The following RNGTT variants were observed in gnomAD, a reference collection of about 807,000 sequenced individuals.
The protein encoded by RNGTT is RNA guanylyltransferase and 5'-phosphatase, also known as mRNA-capping enzyme.
Under a neutral mutation model 79.3 loss-of-function variants are expected in RNGTT, and 33 were observed. The observed-to-expected ratio is 0.42, with a 90% CI of 0.32 to 0.56. The LOEUF (loss-of-function observed/expected upper bound fraction) is 0.56, where lower values mean the gene tolerates loss of function less well. Ranked by LOEUF, RNGTT falls within the 20% of genes least tolerant of loss-of-function variation. RNGTT has a pLI of 0.17. For synonymous variants in RNGTT, 222 were observed against 235.9 expected, an observed-to-expected ratio of 0.94 and a Z score of 0.54; for missense variants, 497 against 739.1, an observed-to-expected ratio of 0.67 and a Z score of 3.80.
chr6:88,671,275 T>G lies in RNGTT; in HGVS notation c.1506+7078A>C, dbSNP rs187089155. ...GTAAAGTTTCAGGATACAAAACTAA[T>G]GTACACAAATCAGTAGCACTGCTAT... On this transcript the variant is annotated intron_variant, in intron 14 of 15. Transcript: ENST00000369485. 2.5e-3 allele frequency among the ~76,000 whole-genome samples: 376 copies of G among 152,266 alleles called. 5 individuals are homozygous for G. The highest frequency in any genetic ancestry group is 4.9e-4 in the Non-Finnish European group (33 of 68,018).
intron 4 of RNGTT, among the ~76,000 whole-genome samples, chr6:88,925,035 T>TA (rs1784276002): frequency 6.6e-6 from 1 of 152,114 alleles, no homozygotes; most frequent in Non-Finnish European, 1.5e-5. Context: ...TGTTTTTTTT[T>TA]AAGACAAAAA....
chr6:88,674,055 G>C (rs773610818), intron 14 of RNGTT, among the ~76,000 whole-genome samples: 14 of 152,190 alleles, frequency 9.2e-5, no homozygotes, highest in East Asian at 1.9e-4. Context: ...TCATGTTACA[G>C]GGATATTAAA....
chr6:88,742,828 G>C lies in RNGTT; in HGVS notation c.1439+26946C>G, dbSNP rs192353817. Among the ~76,000 whole-genome samples the C allele has an allele frequency of 3.3e-5, 5 of 152,290 alleles. No individual in the cohort carries two copies. The East Asian group carries it at 9.6e-4, about 29-fold the overall frequency. On this transcript the variant is annotated intron_variant, in intron 13 of 15. Transcript: ENST00000369485. ...GTAGCAATTAGAGAGAAGTTTTCTA[G>C]AATTATAGTTCGGAAGAAAAATAGA...
At chr6:88,651,585 T>G (rs1289149900) in intron 14 of RNGTT, among the ~76,000 whole-genome samples, 1 of 152,062 alleles carries the variant, frequency 6.6e-6, no homozygotes, top group Non-Finnish European at 1.5e-5. Context: ...TTTTTCATAT[T>G]AAAGTTATAA....
chr6:88,949,158 T>TAAAAAAAAAAAAAAAAAAAA (rs1491197999), intron 1 of RNGTT, among the ~76,000 whole-genome samples: 1 of 18,008 alleles, frequency 5.6e-5, no homozygotes, highest in Non-Finnish European at 1.1e-4. Flanking sequence ...TAAAATAAAA[T>TAAAAAAAAAAAAAAAAAAAA]GAAAAAAAAA....
intron 4 of RNGTT, among the ~76,000 whole-genome samples, chr6:88,911,447 T>C (rs1046434811): frequency 2.0e-5 from 3 of 152,178 alleles, no homozygotes; most frequent in African/African-American, 7.2e-5. Flanking sequence ...TAAATGTATA[T>C]ACACCCAATA....
chr6:88,784,272 A>G (rs575901252), intron 12 of RNGTT, among the ~76,000 whole-genome samples: 6 of 152,252 alleles, frequency 3.9e-5, no homozygotes, highest in African/African-American at 1.4e-4. Flanking sequence ...AGCACTAAAA[A>G]TATCACTGTG....
chr6:88,689,595 A>C lies in RNGTT; in HGVS notation c.1440-11176T>G, dbSNP rs1178163915. 3.4e-5 allele frequency among the ~76,000 whole-genome samples: 3 copies of C among 87,582 alleles called. No homozygotes were observed. The African/African-American group carries it at 3.6e-4, about 11-fold the overall frequency. The allele number at this position is 87,582 out of a possible 152,430, so 57.5% of individuals were successfully genotyped here. On this transcript the variant is annotated intron_variant, in intron 13 of 15. Transcript: ENST00000369485. ...GGGCAACAGAGTGAGACTCTGTCTC[A>C]AAAAAAAAAAAAAAGTCTATACCAA...
At chr6:88,903,622 T>C (rs539128283) in intron 6 of RNGTT, among the ~76,000 whole-genome samples, 20 of 152,348 alleles carry the variant, frequency 1.3e-4, no homozygotes, top group Admixed American at 2.0e-4. Flanking sequence ...AATTAAAACA[T>C]TGTTTTACAA....
chr6:88,950,214 A>T (rs1785196886), intron 1 of RNGTT, among the ~76,000 whole-genome samples: 1 of 152,204 alleles, frequency 6.6e-6, no homozygotes, highest in South Asian at 2.1e-4. Context: ...TCCTTCCAAA[A>T]TATTACTGCT....
intron 1 of RNGTT, among the ~76,000 whole-genome samples, chr6:88,954,101 A>C (rs1407636528): frequency 6.6e-6 from 1 of 152,220 alleles, no homozygotes; most frequent in Non-Finnish European, 1.5e-5. Context: ...GGCAACAACT[A>C]GCATTATGAA....
chr6:88,629,378 G>A (rs1002151797), intron 14 of RNGTT, among the ~76,000 whole-genome samples: 1 of 152,162 alleles, frequency 6.6e-6, no homozygotes, highest in Non-Finnish European at 1.5e-5. Flanking sequence ...CAGCCTGCAG[G>A]TAAAATACGT....
At chr6:88,801,306 G>A (rs911276256) in intron 12 of RNGTT, among the ~76,000 whole-genome samples, 1 of 152,184 alleles carries the variant, frequency 6.6e-6, no homozygotes, top group South Asian at 2.1e-4. Flanking sequence ...TCTTTGAAAT[G>A]TAACGACCAA....
chr6:88,695,262 T>C (rs941484267), intron 13 of RNGTT, among the ~76,000 whole-genome samples: 31 of 152,000 alleles, frequency 2.0e-4, no homozygotes, highest in African/African-American at 6.0e-4. Context: ...AAGCGAGACA[T>C]TTGATAAGGG....
chr6:88,756,338 C>G (rs1041637820), intron 13 of RNGTT, among the ~76,000 whole-genome samples: 4 of 151,538 alleles, frequency 2.6e-5, no homozygotes, highest in Non-Finnish European at 5.9e-5. Context: ...CCAGGCGTGA[C>G]GGTGCGCGCC....
chr6:88,867,435 A>T (rs761115780), intron 8 of RNGTT, among the ~76,000 whole-genome samples: 4 of 152,176 alleles, frequency 2.6e-5, no homozygotes, highest in Non-Finnish European at 5.9e-5. Context: ...GTGAGCCGAG[A>T]TCATGGCACT....
At position 88,914,846 on chromosome 6, in the gene RNGTT, A is replaced by G. The variant is rs184924019; in HGVS notation, c.368-8406T>C. Among the ~76,000 whole-genome samples the G allele has an allele frequency of 1.9e-3, 296 of 152,346 alleles. 2 individuals are homozygous for G. Among genetic ancestry groups the G allele is most frequent in the African/African-American group, 6.9e-3 (288 of 41,582 alleles). ...AACAGAGTAAACAGACAACCTACAGAATGGGAGAAAATATTCACAGACTAT... is the reference window on the plus strand; with the variant it reads ...AACAGAGTAAACAGACAACCTACAGGATGGGAGAAAATATTCACAGACTAT... On this transcript the variant is annotated intron_variant, in intron 4 of 15. Coordinates refer to ENST00000369485, the MANE Select transcript of RNGTT (RefSeq NM_003800.5).
rs188983209 is a variant in RNGTT at position 88,667,701 on chromosome 6, G to A, written c.1506+10652C>T. 2.2e-3 allele frequency among the ~76,000 whole-genome samples: 331 copies of A among 152,280 alleles called. 4 individuals carry two copies. The highest frequency in any genetic ancestry group is 7.7e-3 in the African/African-American group (318 of 41,566). On this transcript the variant is annotated intron_variant, in intron 14 of 15. Coordinates refer to ENST00000369485, the MANE Select transcript of RNGTT (RefSeq NM_003800.5). ...TACGGATTGGCTCAGACAATGGGCC[G>A]GCATTTGTGGCTGACTTGGTACAGA... is the stretch of plus-strand genomic sequence containing the variant.
At chr6:88,803,591 A>AG (rs1259421679) in intron 11 of RNGTT, among the ~76,000 whole-genome samples, 1 of 151,568 alleles carries the variant, frequency 6.6e-6, no homozygotes, top group African/African-American at 2.4e-5. Flanking sequence ...AAAAAAAAAA[A>AG]AAAAAACTAA....
Sources: allele counts gnomAD v4.1 joint callset (sites outside exome capture counted in the v4.1 genomes callset), GRCh38; gene constraint gnomAD v4.1.1; transcripts MANE v1.5; gene names NCBI Gene and HGNC (gene_info 2026-07-23, HGNC 2026-07-21).